SLC30A6: variants seen among roughly 807,000 people sequenced by gnomAD.
SLC30A6 encodes solute carrier family 30 member 6.
In SLC30A6, 55 loss-of-function variants were observed where a neutral mutation model predicts 63.0. The observed-to-expected ratio is 0.87, with a 90% CI of 0.70 to 1.09. SLC30A6 has a LOEUF of 1.09. Among genes scored for constraint, SLC30A6 ranks in the 50% least tolerant of loss-of-function variants. SLC30A6 has a pLI of 0.00. For missense variants in SLC30A6, 587 were observed against 549.2 expected (o/e 1.07, Z -0.69); for synonymous variants, 224 against 186.1 (o/e 1.20, Z -1.66).
intron 12 of SLC30A6, among the ~76,000 whole-genome samples, chr2:32,208,059 C>G (rs149725272): frequency 0.01 from 1,584 of 151,884 alleles, 24 homozygotes; most frequent in African/African-American, 0.036. Context: ...GTCTCAATCT[C>G]TTGACCTCGT....
intron 13 of SLC30A6, among the ~76,000 whole-genome samples, chr2:32,210,513 T>C (rs1685162308): frequency 2.2e-5 from 1 of 44,588 alleles, no homozygotes; most frequent in Non-Finnish European, 4.4e-5. Context: ...AGACTCTGTC[T>C]CCAAAAAAAA....
intron 10 of SLC30A6, among the ~76,000 whole-genome samples, chr2:32,201,332 A>T (rs1418471619): frequency 6.6e-6 from 1 of 152,206 alleles, no homozygotes. Flanking sequence ...GTTGATGTTG[A>T]CTACAGTGTT....
chr2:32,171,299 C>A lies in SLC30A6; in HGVS notation c.16C>A (p.Leu6Ile). 1 of 1,613,616 alleles carries A rather than the reference C, an allele frequency of 6.2e-7. No homozygotes were observed. Among genetic ancestry groups the A allele is most frequent in the South Asian group, 1.1e-5 (1 of 91,066 alleles). MGTIH[L>I]FRKPQRSFFG... ...GTTTGTTTGAAAGGGGACAATTCAT[C>A]TCTTTCGAAAACCACAAAGATCCTT... The change falls in exon 2 of 14, where the codon CTC (leucine) becomes ATC (isoleucine). Residue 6 changes from leucine to isoleucine, a missense_variant. Coordinates refer to ENST00000282587, the MANE Select transcript of SLC30A6 (RefSeq NM_017964.5).
chr2:32,167,870 GT>G (rs974647086), intron 1 of SLC30A6, among the ~76,000 whole-genome samples: 116 of 152,262 alleles, frequency 7.6e-4, no homozygotes, highest in African/African-American at 2.6e-3. Context: ...AATCTCTTGT[GT>G]TTTTTACCAG....
At chr2:32,182,686 A>G (rs1022717337) in intron 4 of SLC30A6, among the ~76,000 whole-genome samples, 4 of 152,166 alleles carry the variant, frequency 2.6e-5, no homozygotes, top group East Asian at 3.8e-4. Flanking sequence ...AAATCCAGGG[A>G]TAGAAATACA....
intron 10 of SLC30A6, chr2:32,201,986 G>T: frequency 7.5e-7 from 1 of 1,324,880 alleles, no homozygotes; most frequent in East Asian, 2.4e-5. Context: ...CATAAGTCAA[G>T]AAGAAAAGAT....
intron 13 of SLC30A6, among the ~76,000 whole-genome samples, chr2:32,214,861 C>T (rs1685566552): frequency 6.6e-6 from 1 of 152,070 alleles, no homozygotes; most frequent in Admixed American, 6.6e-5. Context: ...ATCTTTAATA[C>T]TTAGGTAGTG....
chr2:32,198,514 A>T (rs1291947197), intron 10 of SLC30A6, among the ~76,000 whole-genome samples: 1 of 152,148 alleles, frequency 6.6e-6, no homozygotes, highest in Non-Finnish European at 1.5e-5. Context: ...TGAATGGGAG[A>T]TACAAGAAAA....
intron 7 of SLC30A6, 51 bp from the exon 8 acceptor site, chr2:32,193,838 T>C (rs1288323263): frequency 2.1e-6 from 3 of 1,446,644 alleles, no homozygotes; most frequent in African/African-American, 1.4e-5. Flanking sequence ...AATTACATAC[T>C]GATAATACCA....
intron 1 of SLC30A6, among the ~76,000 whole-genome samples, chr2:32,167,061 C>G (rs1389517413): frequency 1.3e-5 from 2 of 151,896 alleles, no homozygotes; most frequent in Non-Finnish European, 2.9e-5. Flanking sequence ...AAGCTTCTTA[C>G]TTTTACAGCC....
intron 5 of SLC30A6, among the ~76,000 whole-genome samples, chr2:32,185,355 C>CA (rs35740497): frequency 2.2e-3 from 243 of 112,214 alleles, no homozygotes; most frequent in Middle Eastern, 5.4e-3. Context: ...GACCCTGTCT[C>CA]AAAAAAAAAA....
chr2:32,212,611 T>TG (rs1401558693), intron 13 of SLC30A6, among the ~76,000 whole-genome samples: 2 of 143,842 alleles, frequency 1.4e-5, no homozygotes, highest in Non-Finnish European at 3.0e-5. Context: ...TTTTTTTTTT[T>TG]GAGACAGGGT....
intron 4 of SLC30A6, among the ~76,000 whole-genome samples, chr2:32,182,634 G>A (rs1438434823): frequency 2.0e-5 from 3 of 152,124 alleles, no homozygotes; most frequent in East Asian, 1.9e-4. Flanking sequence ...CATGGACACC[G>A]TTGAGCTATT....
intron 5 of SLC30A6, among the ~76,000 whole-genome samples, chr2:32,190,398 G>A (rs1228309981): frequency 6.6e-6 from 1 of 151,278 alleles, no homozygotes; most frequent in South Asian, 2.1e-4. Flanking sequence ...AGCAGAGGTT[G>A]CAGTGAGCCA....
chr2:32,202,025 A>G, intron 10 of SLC30A6: 1 of 1,088,750 alleles, frequency 9.2e-7, no homozygotes, highest in Non-Finnish European at 1.3e-6. Context: ...ATGAATATGA[A>G]AAAAAAAAAG....
chr2:32,215,517 T>TATATATATATATATATA (rs1553339788), intron 13 of SLC30A6, among the ~76,000 whole-genome samples: 1 of 89,414 alleles, frequency 1.1e-5, no homozygotes, highest in African/African-American at 4.0e-5. Flanking sequence ...TATATATATA[T>TATATATATATATATATA]TTTTTTTTTT....
intron 5 of SLC30A6, among the ~76,000 whole-genome samples, chr2:32,185,216 C>G (rs1213647332): frequency 6.6e-6 from 1 of 152,094 alleles, no homozygotes; most frequent in Non-Finnish European, 1.5e-5. Flanking sequence ...TTTTAATTAG[C>G]TGCACATGGT....
chr2:32,195,716 T>G (rs530590886), intron 8 of SLC30A6, among the ~76,000 whole-genome samples: 1 of 150,704 alleles, frequency 6.6e-6, no homozygotes, highest in African/African-American at 2.4e-5. Context: ...TATTTATTTA[T>G]TTTTTAATAG....
At chr2:32,182,354 C>T (rs1281659637) in intron 4 of SLC30A6, among the ~76,000 whole-genome samples, 1 of 152,204 alleles carries the variant, frequency 6.6e-6, no homozygotes, top group Non-Finnish European at 1.5e-5. Context: ...AATGTAAATA[C>T]CATATTCTTG....
Sources: gnomAD v4.1 joint callset for allele counts (sites outside exome capture counted in the v4.1 genomes callset) on GRCh38, gnomAD v4.1.1 for gene constraint, MANE v1.5 for transcripts, NCBI Gene and HGNC (gene_info 2026-07-23, HGNC 2026-07-21) for gene names.